The following DLGAP4 variants were observed in gnomAD, a reference collection of about 807,000 sequenced individuals.
DLGAP4 encodes the protein DLG associated protein 4.
DLGAP4 carries 18 observed loss-of-function variants against 86.9 expected under a neutral mutation model. The ratio of observed to expected loss-of-function variants is 0.21; its 90% CI spans 0.14 to 0.31. The LOEUF is 0.31. DLGAP4 is among the 10% of genes least tolerant of loss of function. The pLI, the probability that DLGAP4 is intolerant of heterozygous loss-of-function variation, is 1.00. For missense variants in DLGAP4, 1,085 were observed against 1,362.6 expected, an observed-to-expected ratio of 0.80 and a Z score of 3.21; for synonymous variants, 548 against 574.3, an observed-to-expected ratio of 0.95 and a Z score of 0.65.
chr20:36,386,056 C>G (rs1042063233), intron 2 of DLGAP4, among the ~76,000 whole-genome samples: 1 of 152,086 alleles, frequency 6.6e-6, no homozygotes, highest in African/African-American at 2.4e-5. Flanking sequence ...GAAAGGAAGG[C>G]GGGGGCCTCG....
chr20:36,497,156 C>A, intron 8 of DLGAP4, 90 bp downstream of exon 8: 1 of 1,508,772 alleles, frequency 6.6e-7, no homozygotes, highest in Non-Finnish European at 8.8e-7. Context: ...ACTAGGTCTC[C>A]TGGGAAAAGG....
chr20:36,329,366 C>G (rs1203819890), intron 1 of DLGAP4, among the ~76,000 whole-genome samples: 1 of 152,224 alleles, frequency 6.6e-6, no homozygotes, highest in Non-Finnish European at 1.5e-5. Context: ...CTCTACCTTT[C>G]TGAAGTTTCA....
At chr20:36,400,033 G>C (rs984852080) in intron 2 of DLGAP4, among the ~76,000 whole-genome samples, 1 of 152,224 alleles carries the variant, frequency 6.6e-6, no homozygotes, top group African/African-American at 2.4e-5. Context: ...TGTCCTGCCA[G>C]CCATTCCTGT....
intron 1 of DLGAP4, among the ~76,000 whole-genome samples, chr20:36,333,770 G>A (rs190544548): frequency 2.9e-4 from 43 of 149,858 alleles, no homozygotes; most frequent in African/African-American, 8.4e-4. Context: ...ACATGGGTGT[G>A]GATCTTGGGT....
chr20:36,322,618 T>C (rs2065179894), intron 1 of DLGAP4, among the ~76,000 whole-genome samples: 1 of 152,166 alleles, frequency 6.6e-6, no homozygotes, highest in Non-Finnish European at 1.5e-5. Flanking sequence ...TGGTAGCTCA[T>C]ATAATGTCAC....
chr20:36,521,155 A>T (rs1225149908), intron 10 of DLGAP4, among the ~76,000 whole-genome samples: 1 of 152,030 alleles, frequency 6.6e-6, no homozygotes, highest in South Asian at 2.1e-4. Context: ...GAGTTTTGCC[A>T]TGTTGCCCAG....
At chr20:36,489,855 CTTTTTTTTTTTTT>C (rs764797081) in intron 7 of DLGAP4, among the ~76,000 whole-genome samples, 1 of 107,994 alleles carries the variant, frequency 9.3e-6, no homozygotes, top group African/African-American at 3.7e-5. Context: ...GCTAATTCTT[CTTTTTTTTTTTTT>C]TTTTTTTTTT....
At chr20:36,429,424 A>G (rs1489557254) in intron 2 of DLGAP4, among the ~76,000 whole-genome samples, 1 of 59,902 alleles carries the variant, frequency 1.7e-5, no homozygotes, top group Admixed American at 2.4e-4. Context: ...TTTTTTTTTG[A>G]GACAGAGTCT....
chr20:36,313,557 G>A (rs1340518447), intron 1 of DLGAP4, among the ~76,000 whole-genome samples: 3 of 150,424 alleles, frequency 2.0e-5, no homozygotes, highest in Non-Finnish European at 4.4e-5. Flanking sequence ...GTGGGGGGGG[G>A]TCACCTGCAA....
Position 36,343,811 on chromosome 20 carries a change from G to A in DLGAP4, c.-303-23234G>A, listed in dbSNP as rs182878340. Reference sequence around the variant, plus strand: ...ACTGCTCTGGTGCCACCCTCTCCCCGGTACTCAGATGCCTGCTGGCAAGGG... The same window carrying A: ...ACTGCTCTGGTGCCACCCTCTCCCCAGTACTCAGATGCCTGCTGGCAAGGG... On this transcript the variant is annotated intron_variant, in intron 1 of 12. Coordinates refer to ENST00000339266, the MANE Select transcript of DLGAP4 (RefSeq NM_001365621.2). 1.5e-3 allele frequency among the ~76,000 whole-genome samples: 228 copies of A among 152,330 alleles called. 1 individual carries two copies. Among genetic ancestry groups the A allele is most frequent in the African/African-American group, 5.2e-3 (218 of 41,570 alleles).
intron 1 of DLGAP4, among the ~76,000 whole-genome samples, chr20:36,346,285 G>C (rs1257350359): frequency 6.6e-6 from 1 of 152,222 alleles, no homozygotes; most frequent in East Asian, 1.9e-4. Flanking sequence ...AGGGGGTTCA[G>C]TGAAGAACTG....
chr20:36,378,100 G>A (rs1018845499), intron 2 of DLGAP4, among the ~76,000 whole-genome samples: 7 of 152,170 alleles, frequency 4.6e-5, no homozygotes, highest in African/African-American at 1.7e-4. Context: ...TTCACTCAGA[G>A]GCAGCAGGAG....
intron 1 of DLGAP4, among the ~76,000 whole-genome samples, chr20:36,326,533 T>C (rs2065217411): frequency 6.6e-6 from 1 of 152,218 alleles, no homozygotes; most frequent in Non-Finnish European, 1.5e-5. Flanking sequence ...TGTATTTGAC[T>C]TTTATATGTG....
Position 36,446,921 on chromosome 20 carries a change from T to C in DLGAP4, c.1632T>C (p.Asn544=). The C allele has an allele frequency of 2.5e-6, 4 of 1,610,502 alleles. No individual in the cohort carries two copies. The highest frequency in any genetic ancestry group is 2.5e-6 in the Non-Finnish European group (3 of 1,177,670). ...SPPPSTGSLS[N]SRTLPSSSCL... ...CGCCCAGTACCGGCAGCCTCAGCAA[T>C]AGTCGCACGCTTCCGAGTGAGTACT... The change falls in exon 7 of 13, where the codon AAT becomes AAC. Residue 544 remains asparagine, a synonymous_variant. Coordinates refer to ENST00000339266, the MANE Select transcript of DLGAP4 (RefSeq NM_001365621.2).
intron 10 of DLGAP4, among the ~76,000 whole-genome samples, chr20:36,518,607 G>A (rs919768564): frequency 6.6e-6 from 1 of 152,080 alleles, no homozygotes; most frequent in Non-Finnish European, 1.5e-5. Context: ...ATTTAGATGT[G>A]TAAATCTTTG....
At chr20:36,335,164 G>A (rs1555891957) in intron 1 of DLGAP4, among the ~76,000 whole-genome samples, 1 of 152,172 alleles carries the variant, frequency 6.6e-6, no homozygotes, top group African/African-American at 2.4e-5. Flanking sequence ...GGGCTGTGAA[G>A]CCTTCCATGG....
intron 1 of DLGAP4, among the ~76,000 whole-genome samples, chr20:36,316,386 T>A (rs989105279): frequency 1.0e-3 from 156 of 152,082 alleles, no homozygotes; most frequent in African/African-American, 3.3e-3. Flanking sequence ...ACCTTCCATG[T>A]CCTCTGGCTT....
chr20:36,489,885 G>A (rs1340069313), intron 7 of DLGAP4, among the ~76,000 whole-genome samples: 6 of 133,518 alleles, frequency 4.5e-5, no homozygotes, highest in Admixed American at 7.8e-5. Flanking sequence ...TTTTGATGGA[G>A]TCTTGCTCTG....
intron 7 of DLGAP4, 86 bp downstream of exon 7, chr20:36,447,023 C>T (rs1419999555): frequency 6.6e-7 from 1 of 1,508,246 alleles, no homozygotes; most frequent in Non-Finnish European, 8.9e-7. Flanking sequence ...TGGGAGGATA[C>T]AGGGAGGAAT....
Sources: gnomAD v4.1 joint callset for allele counts (sites outside exome capture counted in the v4.1 genomes callset) on GRCh38, gnomAD v4.1.1 for gene constraint, MANE v1.5 for transcripts, NCBI Gene and HGNC (gene_info 2026-07-23, HGNC 2026-07-21) for gene names.